The following NOL9 variants were observed in gnomAD, a reference collection of about 807,000 sequenced individuals.
The protein encoded by NOL9 is polynucleotide 5'-hydroxyl-kinase NOL9.
In NOL9, 28 loss-of-function variants were observed where a neutral mutation model predicts 67.9. The observed-to-expected ratio is 0.41, with a 90% CI of 0.31 to 0.57. NOL9 has a LOEUF of 0.57. NOL9 is among the 20% of genes least tolerant of loss of function. The pLI is 0.25. For missense variants in NOL9, 777 were observed against 897.0 expected, an observed-to-expected ratio of 0.87 and a Z score of 1.71; for synonymous variants, 356 against 352.2, an observed-to-expected ratio of 1.01 and a Z score of -0.12.
chr1:6,550,907 T>G (rs1639531566), intron 1 of NOL9, among the ~76,000 whole-genome samples: 1 of 152,032 alleles, frequency 6.6e-6, no homozygotes, highest in Non-Finnish European at 1.5e-5. Context: ...GGTCTTGAAC[T>G]CCCGACCTCA....
chr1:6,531,828 G>C (rs926116298), intron 9 of NOL9, 140 bp downstream of exon 9: 10 of 694,414 alleles, frequency 1.4e-5, no homozygotes, highest in South Asian at 3.5e-5. Context: ...TGGGAATAAC[G>C]ACACAAGCTG....
In NOL9 at chr1:6,524,802, T is replaced by A. The variant is rs1041182838; in HGVS notation, c.*1052A>T. The A allele has an allele frequency of 4.6e-5, 7 of 151,934 alleles. No individual in the cohort carries two copies. The highest frequency in any genetic ancestry group is 8.8e-5 in the Non-Finnish European group (6 of 68,022). The allele number at this position is 151,934 out of a possible 1,614,324, so 9.4% of individuals were successfully genotyped here. ...TTGCCCAGGCTGGAGTGCAGTGGCG[T>A]GACCTCGGCTCACTGCAAGCTCCGC... On this transcript the variant is annotated 3_prime_UTR_variant, in exon 12 of 12. Transcript: ENST00000377705.
Position 6,549,576 on chromosome 1 carries a change from G to C in NOL9, c.739C>G (p.Gln247Glu), listed in dbSNP as rs1639495994. ...TGAATGAAAACGGGTTCTACCTCTT[G>C]CACAAAAATGTAGGATGAACCCGGA... ...SYPGSSYIFV[Q>E]ESPTPQIKPE... Residue 247 changes from glutamine to glutamate, a missense_variant, in exon 3 of 12, where the codon CAA (glutamine) becomes GAA (glutamate). Gln to Glu is a conservative substitution (Grantham distance 29). Coordinates refer to ENST00000377705, the MANE Select transcript of NOL9 (RefSeq NM_024654.5). 2 of 1,613,684 alleles carry C rather than the reference G, an allele frequency of 1.2e-6. No homozygotes were observed. Among genetic ancestry groups the C allele is most frequent in the Non-Finnish European group, 1.7e-6 (2 of 1,179,920 alleles).
intron 3 of NOL9, among the ~76,000 whole-genome samples, chr1:6,547,712 G>A (rs541761877): frequency 1.5e-4 from 23 of 152,040 alleles, no homozygotes; most frequent in African/African-American, 2.2e-4. Context: ...AAAATTAGCC[G>A]GGAGTCATGG....
intron 6 of NOL9, among the ~76,000 whole-genome samples, chr1:6,533,810 AATAGCC>A (rs1220602414): frequency 6.6e-6 from 1 of 152,184 alleles, no homozygotes; most frequent in Non-Finnish European, 1.5e-5. Flanking sequence ...AAGGGCAATG[AATAGCC>A]ATGTGTGTCT....
intron 5 of NOL9, among the ~76,000 whole-genome samples, chr1:6,544,544 C>CGCACGCACG (rs61278197): frequency 1.9e-4 from 23 of 118,708 alleles, no homozygotes; most frequent in Admixed American, 6.2e-4. Flanking sequence ...CACACACGCA[C>CGCACGCACG]CCCCCCCCCG....
At chr1:6,534,471 T>A (rs1247504565) in intron 6 of NOL9, among the ~76,000 whole-genome samples, 1 of 152,018 alleles carries the variant, frequency 6.6e-6, no homozygotes, top group African/African-American at 2.4e-5. Flanking sequence ...ATGGCCTGGG[T>A]CAGTGTGATT....
chr1:6,541,445 G>A (rs1639289360), intron 6 of NOL9, among the ~76,000 whole-genome samples: 1 of 152,184 alleles, frequency 6.6e-6, no homozygotes, highest in Non-Finnish European at 1.5e-5. Context: ...GCCTCCCCAA[G>A]TGCTGGGATT....
intron 3 of NOL9, among the ~76,000 whole-genome samples, chr1:6,545,768 G>A (rs1270666900): frequency 1.3e-5 from 2 of 151,940 alleles, no homozygotes; most frequent in Non-Finnish European, 2.9e-5. Flanking sequence ...TGTGAAGCAG[G>A]CTGGGCGCAG....
rs116604521 is a variant in NOL9, at chr1:6,553,147, T to C, written c.396+960A>G. ...ATTTTTAAACTAAGATCATACCCCA[T>C]GGCAGCTACAGAGAAAGCATGGTGA... is the stretch of plus-strand genomic sequence containing the variant. On this transcript the variant is annotated intron_variant, in intron 1 of 11. Coordinates refer to ENST00000377705, the MANE Select transcript of NOL9 (RefSeq NM_024654.5). Among the ~76,000 whole-genome samples the C allele has an allele frequency of 8.7e-3, 1,327 of 152,254 alleles. 15 individuals carry two copies. The highest frequency in any genetic ancestry group is 0.029 in the African/African-American group (1,208 of 41,564).
In NOL9 at chr1:6,550,398, A is replaced by G. The variant is rs752077071; in HGVS notation, c.614T>C (p.Leu205Pro). 1.9e-6 allele frequency: 3 copies of G among 1,613,156 alleles called. No individual in the cohort carries two copies. Among genetic ancestry groups the G allele is most frequent in the South Asian group, 2.2e-5 (2 of 91,066 alleles). ...AATTACCCAGTTCTTTTCATTACCA[A>G]GGTTAAGATGAGATTTGAGCAAATT... ...ARNLLKSHLN[L>P]DDRRWSMQNF... is the part of the protein sequence containing the mutation. Residue 205 changes from leucine to proline, a missense_variant and splice_region_variant, in exon 2 of 12, where the codon CTT becomes CCT. By Grantham distance (98) the Leu-to-Pro change is moderately conservative. Transcript: ENST00000377705.
At position 6,531,896 on chromosome 1, in the gene NOL9, G is replaced by A. The variant is rs1053157472; in HGVS notation, c.1647+72C>T. The A allele has an allele frequency of 4.4e-6, 5 of 1,139,028 alleles. No individual in the cohort carries two copies. In the Admixed American group the frequency reaches 8.5e-5, roughly 19 times the overall value. 70.6% of individuals were successfully genotyped at this position (1,139,028 alleles called of 1,614,324 possible). ...GAGGAGTTATGTAGTGGTTAGGAGA[G>A]CGCCCAGCACACAGAAAACCACACA... is the stretch of plus-strand genomic sequence containing the variant. On this transcript the variant is annotated intron_variant, in intron 9 of 11. Transcript: ENST00000377705.
chr1:6,544,336 A>G (rs1639366838), intron 5 of NOL9, among the ~76,000 whole-genome samples: 1 of 145,812 alleles, frequency 6.9e-6, no homozygotes, highest in Non-Finnish European at 1.5e-5. Context: ...AGACTGGGCA[A>G]CATAGCAAGA....
chr1:6,552,615 T>C (rs1290235705), intron 1 of NOL9, among the ~76,000 whole-genome samples: 1 of 148,118 alleles, frequency 6.8e-6, no homozygotes, highest in Non-Finnish European at 1.5e-5. Flanking sequence ...TCCGCCCACC[T>C]AGGCCTCCAA....
rs563665089 is a variant in NOL9, at chr1:6,538,214, T to C, written c.1075+3616A>G. On this transcript the variant is annotated intron_variant, in intron 6 of 11. Coordinates refer to ENST00000377705, the MANE Select transcript of NOL9 (RefSeq NM_024654.5). ...TAGATACACTGAACTTCATCAAAAT[T>C]AAGAACTGTGCATCAAAGGTTATTG... Among the ~76,000 whole-genome samples, 6 of 152,074 alleles carry C rather than the reference T, an allele frequency of 3.9e-5. No individual in the cohort carries two copies. In the South Asian group the frequency reaches 1.2e-3, roughly 32 times the overall value.
chr1:6,536,779 T>C (rs1199283833), intron 6 of NOL9, among the ~76,000 whole-genome samples: 1 of 152,214 alleles, frequency 6.6e-6, no homozygotes, highest in Admixed American at 6.6e-5. Flanking sequence ...ATTACGCCAC[T>C]GTACTCCAGC....
chr1:6,539,169 A>T (rs530510423), intron 6 of NOL9, among the ~76,000 whole-genome samples: 1 of 152,232 alleles, frequency 6.6e-6, no homozygotes, highest in Non-Finnish European at 1.5e-5. Flanking sequence ...ATTGGTGAGG[A>T]TACGGAGAAA....
intron 3 of NOL9, among the ~76,000 whole-genome samples, chr1:6,547,639 G>T (rs1639447096): frequency 6.6e-6 from 1 of 152,094 alleles, no homozygotes; most frequent in South Asian, 2.1e-4. Context: ...TGGATTGCTG[G>T]AGTCCAAGAG....
chr1:6,544,551 C>CCT (rs1639377317), intron 5 of NOL9, among the ~76,000 whole-genome samples: 1 of 9,368 alleles, frequency 1.1e-4, no homozygotes, highest in Non-Finnish European at 9.9e-4. Flanking sequence ...GCACCCCCCC[C>CCT]CCGCCCCCCA....
Sources: gnomAD v4.1 joint callset for allele counts (sites outside exome capture counted in the v4.1 genomes callset) on GRCh38, gnomAD v4.1.1 for gene constraint, MANE v1.5 for transcripts, NCBI Gene and HGNC (gene_info 2026-07-23, HGNC 2026-07-21) for gene names.